Variants in GLCCI1 observed in about 807,000 individuals in gnomAD.
GLCCI1 encodes glucocorticoid-induced transcript 1 protein.
Under a neutral mutation model 52.2 loss-of-function variants are expected in GLCCI1, and 24 were observed. The ratio of observed to expected loss-of-function variants is 0.46; its 90% CI spans 0.33 to 0.65. The LOEUF is 0.65. Ranked by LOEUF, GLCCI1 falls within the 30% of genes least tolerant of loss-of-function variation. GLCCI1 has a pLI of 0.02. For missense variants in GLCCI1, 704 were observed against 701.5 expected (o/e 1.00, Z -0.04); for synonymous variants, 310 against 276.5 (o/e 1.12, Z -1.20).
chr7:8,016,202 G>T (rs1481712316), intron 2 of GLCCI1, among the ~76,000 whole-genome samples: 1 of 152,178 alleles, frequency 6.6e-6, no homozygotes, highest in Non-Finnish European at 1.5e-5. Flanking sequence ...GGGCGCGGTG[G>T]CTTACGCCTG....
chr7:7,973,788 T>C (rs1780404572), intron 1 of GLCCI1, among the ~76,000 whole-genome samples: 1 of 152,114 alleles, frequency 6.6e-6, no homozygotes, highest in South Asian at 2.1e-4. Flanking sequence ...TAATGTTAAC[T>C]CCATGTAATA....
intron 3 of GLCCI1, among the ~76,000 whole-genome samples, chr7:8,043,097 A>G (rs1343494451): frequency 1.3e-5 from 2 of 152,240 alleles, no homozygotes; most frequent in African/African-American, 2.4e-5. Flanking sequence ...TCAGATGATC[A>G]TTAGCATTTT....
intron 3 of GLCCI1, among the ~76,000 whole-genome samples, chr7:8,039,735 G>A (rs1287198932): frequency 6.6e-6 from 1 of 152,140 alleles, no homozygotes; most frequent in East Asian, 1.9e-4. Flanking sequence ...AGTGGCCCAC[G>A]CCTGTAATTC....
chr7:8,047,099 T>A (rs1782147746), intron 3 of GLCCI1, among the ~76,000 whole-genome samples: 1 of 152,204 alleles, frequency 6.6e-6, no homozygotes. Flanking sequence ...GGGAAAAGCA[T>A]ATTACTTACA....
At position 7,969,094 on chromosome 7, in the gene GLCCI1, T is replaced by G; in HGVS notation, c.-257T>G. 1 of 195,938 alleles carries G rather than the reference T, an allele frequency of 5.1e-6. No homozygotes were observed. The allele number at this position is 195,938 out of a possible 1,614,324, so 12.1% of individuals were successfully genotyped here. ...TCCGGGCTCCTTGCGGCCCCGGCCGTGACCGCCACACCGAGCCCAGCCGGG... is the reference window on the plus strand; with the variant it reads ...TCCGGGCTCCTTGCGGCCCCGGCCGGGACCGCCACACCGAGCCCAGCCGGG... On this transcript the variant is annotated 5_prime_UTR_variant, in exon 1 of 8. It removes the in-frame stop codon of an upstream open reading frame in the 5' UTR. Coordinates refer to ENST00000223145, the MANE Select transcript of GLCCI1 (RefSeq NM_138426.4). The surrounding 1 kb of genome is among the most constrained non-coding windows in gnomAD (Gnocchi z 4.9).
At chr7:8,067,069 G>GT (rs1338612351) in intron 5 of GLCCI1, among the ~76,000 whole-genome samples, 3 of 152,258 alleles carry the variant, frequency 2.0e-5, no homozygotes, top group South Asian at 4.1e-4. Context: ...GTGCCCCTGT[G>GT]TTGGGTGCAT....
intron 3 of GLCCI1, among the ~76,000 whole-genome samples, chr7:8,026,824 A>T (rs1294984710): frequency 6.6e-6 from 1 of 152,128 alleles, no homozygotes; most frequent in Non-Finnish European, 1.5e-5. Context: ...ACAGACAGAC[A>T]CCCCCTGTTT....
At chr7:7,972,561 T>A (rs1395318217) in intron 1 of GLCCI1, among the ~76,000 whole-genome samples, 1 of 152,182 alleles carries the variant, frequency 6.6e-6, no homozygotes, top group Non-Finnish European at 1.5e-5. Flanking sequence ...AGCTTAAAAA[T>A]GTTTTTATGA....
At chr7:8,080,425 G>T (rs548663597) in intron 6 of GLCCI1, among the ~76,000 whole-genome samples, 1 of 151,556 alleles carries the variant, frequency 6.6e-6, no homozygotes, top group African/African-American at 2.4e-5. Flanking sequence ...CATATACTAT[G>T]AAAGTATTTT....
At chr7:8,075,091 A>G (rs186876863) in intron 6 of GLCCI1, among the ~76,000 whole-genome samples, 7 of 152,268 alleles carry the variant, frequency 4.6e-5, no homozygotes, top group Non-Finnish European at 5.9e-5. Context: ...CCTAACATCT[A>G]TTCGCTATGA....
At chr7:8,012,686 C>T (rs896048241) in intron 2 of GLCCI1, among the ~76,000 whole-genome samples, 1 of 151,780 alleles carries the variant, frequency 6.6e-6, no homozygotes, top group Non-Finnish European at 1.5e-5. Context: ...ACCTTGTGAT[C>T]CACCCGCCTC....
intron 2 of GLCCI1, among the ~76,000 whole-genome samples, chr7:8,007,010 T>C (rs1430702786): frequency 1.3e-5 from 2 of 152,112 alleles, no homozygotes; most frequent in East Asian, 3.9e-4. Context: ...TTACCTGGAG[T>C]ATATTCTACA....
chr7:8,002,847 A>C lies in GLCCI1; in HGVS notation c.458-1061A>C, dbSNP rs75020170. ...TGTAGATTTGGTGTTCAGTGTGATT[A>C]ATTTTTAACAGAGATTCTTGTGATA... On this transcript the variant is annotated intron_variant, in intron 1 of 7. Coordinates refer to ENST00000223145, the MANE Select transcript of GLCCI1 (RefSeq NM_138426.4). Among the ~76,000 whole-genome samples, 1,028 of 152,320 alleles carry C rather than the reference A, an allele frequency of 6.7e-3. 26 individuals are homozygous for C. The East Asian group carries it at 0.086, about 13-fold the overall frequency.
Position 7,969,228 on chromosome 7 carries a change from G to C in GLCCI1, c.-123G>C. On this transcript the variant is annotated 5_prime_UTR_variant, in exon 1 of 8. Transcript: ENST00000223145. The surrounding 1 kb of genome is among the most constrained non-coding windows in gnomAD (Gnocchi z 4.9). ...AGCCCCGAGACTCCTCCCCCACAGCGATACCCCCGCCCCTCCCCCTTACAC... is the reference window on the plus strand; with the variant it reads ...AGCCCCGAGACTCCTCCCCCACAGCCATACCCCCGCCCCTCCCCCTTACAC... 2.1e-6 allele frequency: 1 copy of C among 475,624 alleles called. No individual in the cohort carries two copies. Among genetic ancestry groups the C allele is most frequent in the Non-Finnish European group, 2.8e-6 (1 of 352,664 alleles). The allele number at this position is 475,624 out of a possible 1,614,324, so 29.5% of individuals were successfully genotyped here. A position where few individuals can be genotyped will look rare whatever the true frequency, so the allele number is the denominator to read the frequency against.
At chr7:8,014,157 T>C (rs1300664283) in intron 2 of GLCCI1, among the ~76,000 whole-genome samples, 3 of 152,146 alleles carry the variant, frequency 2.0e-5, no homozygotes, top group Non-Finnish European at 4.4e-5. Context: ...GCCCAGCTAA[T>C]TTTTTAATTT....
At chr7:8,063,615 C>CTTTTTTT (rs917291629) in intron 5 of GLCCI1, among the ~76,000 whole-genome samples, 3 of 113,670 alleles carry the variant, frequency 2.6e-5, no homozygotes, top group African/African-American at 3.3e-5. Flanking sequence ...ACTTTTCTTC[C>CTTTTTTT]TTTTTTTTTT....
At chr7:8,080,417 T>C (rs1782970076) in intron 6 of GLCCI1, among the ~76,000 whole-genome samples, 1 of 151,542 alleles carries the variant, frequency 6.6e-6, no homozygotes. Flanking sequence ...TATTGCTGCA[T>C]ATACTATGAA....
At chr7:7,983,892 C>G (rs1780671267) in intron 1 of GLCCI1, among the ~76,000 whole-genome samples, 2 of 152,078 alleles carry the variant, frequency 1.3e-5, no homozygotes, top group South Asian at 4.1e-4. Flanking sequence ...ATAAAAGGAG[C>G]TGGGTGCTCT....
intron 3 of GLCCI1, among the ~76,000 whole-genome samples, chr7:8,036,135 C>G (rs1781863456): frequency 6.6e-6 from 1 of 152,178 alleles, no homozygotes; most frequent in East Asian, 1.9e-4. Context: ...ATTGCACAAC[C>G]CAATACAAAA....
Sources: allele counts gnomAD v4.1 joint callset (sites outside exome capture counted in the v4.1 genomes callset), GRCh38; gene constraint gnomAD v4.1.1; non-coding constraint Gnocchi (gnomAD v3.1); transcripts MANE v1.5; gene names NCBI Gene and HGNC (gene_info 2026-07-23, HGNC 2026-07-21).